PRKG1: variants seen among roughly 807,000 people sequenced by gnomAD.
The protein encoded by PRKG1 is protein kinase cGMP-dependent 1, also known as cGMP-dependent protein kinase 1.
Under a neutral mutation model 88.1 loss-of-function variants are expected in PRKG1, and 35 were observed. The observed-to-expected ratio is 0.40, with a 90% CI of 0.30 to 0.53. The LOEUF (loss-of-function observed/expected upper bound fraction) is 0.53. PRKG1 is among the 20% of genes least tolerant of loss of function. The pLI is 0.59. For synonymous variants in PRKG1, 303 were observed against 292.5 expected (o/e 1.04, Z -0.37); for missense variants, 540 against 839.8 (o/e 0.64, Z 4.41).
intron 3 of PRKG1, among the ~76,000 whole-genome samples, chr10:51,704,850 C>A (rs72797365): frequency 6.6e-6 from 1 of 152,066 alleles, no homozygotes; most frequent in Non-Finnish European, 1.5e-5. Context: ...CCTTCACCAC[C>A]CCCTGAAACA....
chr10:51,677,297 A>T (rs1345304048), intron 3 of PRKG1, among the ~76,000 whole-genome samples: 1 of 152,120 alleles, frequency 6.6e-6, no homozygotes, highest in Non-Finnish European at 1.5e-5. Context: ...GACTTGCTGT[A>T]TTGTTATGGA....
intron 7 of PRKG1, among the ~76,000 whole-genome samples, chr10:52,093,375 G>A (rs907062249): frequency 1.3e-5 from 2 of 152,114 alleles, no homozygotes; most frequent in Admixed American, 1.3e-4. Flanking sequence ...ACTTAAAAGT[G>A]AAATAAATTT....
At chr10:51,382,076 T>C (rs953063621) in intron 2 of PRKG1, among the ~76,000 whole-genome samples, 2 of 152,204 alleles carry the variant, frequency 1.3e-5, no homozygotes, top group African/African-American at 4.8e-5. Flanking sequence ...TGCTTTTTGA[T>C]GTCAGAATTG....
chr10:51,796,231 TA>T (rs1839006904), intron 3 of PRKG1, among the ~76,000 whole-genome samples: 1 of 152,096 alleles, frequency 6.6e-6, no homozygotes, highest in African/African-American at 2.4e-5. Flanking sequence ...AGAGCAGCAC[TA>T]ACCAACAGAA....
intron 4 of PRKG1, among the ~76,000 whole-genome samples, chr10:51,876,701 C>T (rs1349722971): frequency 6.6e-6 from 1 of 152,168 alleles, no homozygotes; most frequent in Non-Finnish European, 1.5e-5. Context: ...GCTTGAGGGC[C>T]TCTTGCCACC....
intron 1 of PRKG1, among the ~76,000 whole-genome samples, chr10:51,131,102 C>G (rs962031806): frequency 1.3e-5 from 2 of 152,012 alleles, no homozygotes; most frequent in African/African-American, 4.8e-5. Flanking sequence ...AATTAATGTT[C>G]CTGGTAGATT....
At chr10:52,111,799 T>C (rs951357109) in intron 7 of PRKG1, among the ~76,000 whole-genome samples, 1 of 152,220 alleles carries the variant, frequency 6.6e-6, no homozygotes, top group Non-Finnish European at 1.5e-5. Context: ...ATGAAGACAT[T>C]ATGAATCTTG....
chr10:51,791,625 AG>A (rs2132584122), intron 3 of PRKG1, among the ~76,000 whole-genome samples: 1 of 152,212 alleles, frequency 6.6e-6, no homozygotes, highest in East Asian at 1.9e-4. Flanking sequence ...GATATAACTC[AG>A]GTATATGAAT....
intron 5 of PRKG1, among the ~76,000 whole-genome samples, chr10:51,936,640 G>C (rs1275495736): frequency 6.6e-6 from 1 of 151,972 alleles, no homozygotes; most frequent in Non-Finnish European, 1.5e-5. Context: ...TGGGGGTAGA[G>C]AGTATGAGAA....
chr10:52,005,924 G>A (rs1055273758), intron 5 of PRKG1, among the ~76,000 whole-genome samples: 4 of 151,766 alleles, frequency 2.6e-5, no homozygotes, highest in Non-Finnish European at 5.9e-5. Context: ...GCCTGAGGAG[G>A]CCCTTGGACC....
At chr10:51,708,546 G>T (rs779414461) in intron 3 of PRKG1, among the ~76,000 whole-genome samples, 1 of 151,758 alleles carries the variant, frequency 6.6e-6, no homozygotes, top group African/African-American at 2.4e-5. Context: ...CTCCCTCTTC[G>T]CTGCATCTCT....
At chr10:51,864,497 C>A (rs1335222824) in intron 4 of PRKG1, among the ~76,000 whole-genome samples, 3 of 152,200 alleles carry the variant, frequency 2.0e-5, no homozygotes, top group Admixed American at 2.0e-4. Flanking sequence ...GTAGTAATTG[C>A]AAGGTAATGT....
intron 3 of PRKG1, among the ~76,000 whole-genome samples, chr10:51,719,736 A>G (rs1841968260): frequency 6.6e-6 from 1 of 152,226 alleles, no homozygotes; most frequent in African/African-American, 2.4e-5. Context: ...ACATTGGGAA[A>G]GCTGGGGGAC....
intron 2 of PRKG1, among the ~76,000 whole-genome samples, chr10:51,269,437 T>TG (rs1196632874): frequency 6.6e-6 from 1 of 152,136 alleles, no homozygotes; most frequent in Non-Finnish European, 1.5e-5. Flanking sequence ...CAGCACAACT[T>TG]GCAATTGCAG....
At chr10:52,205,023 C>T (rs550092563) in intron 9 of PRKG1, among the ~76,000 whole-genome samples, 1 of 152,140 alleles carries the variant, frequency 6.6e-6, no homozygotes, top group East Asian at 1.9e-4. Context: ...AAATGGCTGC[C>T]CTGGGAGTGT....
chr10:51,672,725 G>A (rs1413075689), intron 3 of PRKG1, among the ~76,000 whole-genome samples: 1 of 152,148 alleles, frequency 6.6e-6, no homozygotes, highest in Non-Finnish European at 1.5e-5. Flanking sequence ...CCACCACTGA[G>A]ATATCTTCAC....
chr10:51,449,914 T>C (rs990214243), intron 2 of PRKG1, among the ~76,000 whole-genome samples: 1 of 152,024 alleles, frequency 6.6e-6, no homozygotes, highest in Admixed American at 6.6e-5. Context: ...AGATGAAAAC[T>C]TCTTATTTGT....
intron 1 of PRKG1, among the ~76,000 whole-genome samples, chr10:51,118,744 CT>C (rs2131911108): frequency 6.6e-6 from 1 of 152,196 alleles, no homozygotes; most frequent in Non-Finnish European, 1.5e-5. Flanking sequence ...TACTGTTGTT[CT>C]ATTCGTCTCT....
chr10:51,385,012 G>A (rs1034500230), intron 2 of PRKG1, among the ~76,000 whole-genome samples: 3 of 152,176 alleles, frequency 2.0e-5, no homozygotes, highest in African/African-American at 7.2e-5. Context: ...GTAAAGGATT[G>A]TCTCTCGAAC....
Sources: gnomAD v4.1 joint callset for allele counts (sites outside exome capture counted in the v4.1 genomes callset) on GRCh38, gnomAD v4.1.1 for gene constraint, MANE v1.5 for transcripts, NCBI Gene and HGNC (gene_info 2026-07-23, HGNC 2026-07-21) for gene names.